AP4E1: variants seen among roughly 807,000 people sequenced by gnomAD.
AP4E1 encodes adaptor related protein complex 4 subunit epsilon 1.
AP4E1 carries 56 observed loss-of-function variants against 128.2 expected under a neutral mutation model. The observed-to-expected ratio is 0.44, with a 90% CI of 0.35 to 0.55. AP4E1 has a LOEUF of 0.55. Among genes scored for constraint, AP4E1 ranks in the 20% least tolerant of loss-of-function variants. The pLI is 0.00. For synonymous variants in AP4E1, 484 were observed against 473.1 expected (o/e 1.02, Z -0.30); for missense variants, 1,324 against 1,307.7 (o/e 1.01, Z -0.19).
chr15:50,925,348 A>T, intron 5 of AP4E1, 129 bp downstream of exon 5: 1 of 979,988 alleles, frequency 1.0e-6, no homozygotes, highest in Non-Finnish European at 1.5e-6. Flanking sequence ...TAATACAAAA[A>T]TCTTCAATAG....
At chr15:50,910,609 G>A (rs903660349) in intron 1 of AP4E1, among the ~76,000 whole-genome samples, 1 of 152,170 alleles carries the variant, frequency 6.6e-6, no homozygotes, top group African/African-American at 2.4e-5. Flanking sequence ...GATGCTATCC[G>A]GAGAGAACCT....
chr15:50,991,323 G>A (rs186065547), intron 16 of AP4E1, among the ~76,000 whole-genome samples: 4 of 152,166 alleles, frequency 2.6e-5, no homozygotes, highest in East Asian at 3.9e-4. Flanking sequence ...TAAAATTTAG[G>A]GACTTGTTCT....
intron 7 of AP4E1, among the ~76,000 whole-genome samples, chr15:50,931,808 C>T (rs1156887569): frequency 6.6e-6 from 1 of 152,062 alleles, no homozygotes; most frequent in African/African-American, 2.4e-5. Context: ...CCATACAAAA[C>T]CAGGCATTTG....
chr15:50,994,312 A>G (rs540444155), intron 17 of AP4E1, among the ~76,000 whole-genome samples: 54 of 152,288 alleles, frequency 3.5e-4, no homozygotes, highest in African/African-American at 1.3e-3. Flanking sequence ...TGAGAATACC[A>G]TGTAATGTAT....
At chr15:50,995,848 A>G (rs1044978431) in intron 17 of AP4E1, among the ~76,000 whole-genome samples, 2 of 151,734 alleles carry the variant, frequency 1.3e-5, no homozygotes, top group African/African-American at 4.8e-5. Context: ...AAACTTGAAG[A>G]CAAAGTAATA....
chr15:50,911,652 A>AT (rs1409501621), intron 1 of AP4E1, among the ~76,000 whole-genome samples: 1 of 112,868 alleles, frequency 8.9e-6, no homozygotes, highest in Non-Finnish European at 1.9e-5. Flanking sequence ...TAATGTTTGT[A>AT]TTTTTAGTAG....
chr15:50,967,132 T>C (rs2064405082), intron 14 of AP4E1, among the ~76,000 whole-genome samples: 1 of 152,200 alleles, frequency 6.6e-6, no homozygotes, highest in Admixed American at 6.5e-5. Context: ...TAATTTTCCA[T>C]AGATTTGTGA....
chr15:50,987,849 C>T (rs1669220222), intron 16 of AP4E1, among the ~76,000 whole-genome samples: 1 of 152,040 alleles, frequency 6.6e-6, no homozygotes, highest in African/African-American at 2.4e-5. Flanking sequence ...ATTTATTGCT[C>T]TTAAGGTATT....
At chr15:50,985,137 C>T (rs141200781) in intron 16 of AP4E1, among the ~76,000 whole-genome samples, 14 of 152,064 alleles carry the variant, frequency 9.2e-5, no homozygotes, top group Non-Finnish European at 2.1e-4. Flanking sequence ...TATCCTTCAC[C>T]CACTTTTTGA....
chr15:50,960,374 C>A (rs186752913), intron 14 of AP4E1, among the ~76,000 whole-genome samples: 120 of 152,132 alleles, frequency 7.9e-4, no homozygotes, highest in East Asian at 2.1e-3. Flanking sequence ...TATGTTAGGC[C>A]ACAAAAAAGT....
chr15:50,976,350 T>C (rs1448592358), intron 15 of AP4E1, among the ~76,000 whole-genome samples: 1 of 151,960 alleles, frequency 6.6e-6, no homozygotes. Context: ...AAAAAGAAAC[T>C]CAATAAAACT....
chr15:50,975,577 T>TG (rs2064540147), intron 15 of AP4E1, among the ~76,000 whole-genome samples: 1 of 152,204 alleles, frequency 6.6e-6, no homozygotes, highest in Admixed American at 6.5e-5. Context: ...TGTGTATTCT[T>TG]GGTGTCCTTG....
At chr15:50,930,364 G>C (rs1462900657) in intron 6 of AP4E1, among the ~76,000 whole-genome samples, 2 of 141,044 alleles carry the variant, frequency 1.4e-5, no homozygotes, top group African/African-American at 5.3e-5. Flanking sequence ...ACTGTGCCCG[G>C]CCCCAGAATG....
chr15:50,988,052 T>C (rs902620765), intron 16 of AP4E1, among the ~76,000 whole-genome samples: 2 of 152,170 alleles, frequency 1.3e-5, no homozygotes, highest in Non-Finnish European at 2.9e-5. Flanking sequence ...TTCTGATAAA[T>C]ATATCTTGTA....
intron 14 of AP4E1, 113 bp downstream of exon 14, chr15:50,958,907 G>A: frequency 1.0e-5 from 12 of 1,150,490 alleles, no homozygotes; most frequent in South Asian, 8.8e-5. Flanking sequence ...TAGCATTTAA[G>A]GTGAATGTTG....
intron 16 of AP4E1, among the ~76,000 whole-genome samples, chr15:50,985,447 A>G (rs2064707042): frequency 6.6e-6 from 1 of 152,156 alleles, no homozygotes; most frequent in African/African-American, 2.4e-5. Flanking sequence ...TTTTAGGTCT[A>G]ACATTTAAGT....
rs1379528885 is a variant in AP4E1, at chr15:50,941,691, C to G, written c.1092C>G (p.Ile364Met). Residue 364 changes from isoleucine (I) to methionine (M), a missense_variant, in exon 10 of 21, where the codon ATC becomes ATG. Physicochemically the swap from Ile to Met is conservative, Grantham distance 10. Coordinates refer to ENST00000261842, the MANE Select transcript of AP4E1 (RefSeq NM_007347.5). ...YLGLKALTYV[I>M]QQDPTLALQH... ...GACTGAAGGCTCTTACCTATGTTATCCAACAGGATCCTACTCTGGCTCTTC... is the reference window on the plus strand; with the variant it reads ...GACTGAAGGCTCTTACCTATGTTATGCAACAGGATCCTACTCTGGCTCTTC... The G allele has an allele frequency of 9.3e-6, 15 of 1,613,578 alleles. No homozygotes were observed. The highest frequency in any genetic ancestry group is 1.3e-5 in the Non-Finnish European group (15 of 1,179,698).
At chr15:50,946,841 T>A (rs2064068387) in intron 10 of AP4E1, among the ~76,000 whole-genome samples, 1 of 152,196 alleles carries the variant, frequency 6.6e-6, no homozygotes, top group African/African-American at 2.4e-5. Flanking sequence ...TCATCTTATT[T>A]GAAGCAGCAA....
chr15:50,947,534 G>A (rs923965377), intron 10 of AP4E1, among the ~76,000 whole-genome samples: 7 of 151,978 alleles, frequency 4.6e-5, no homozygotes, highest in African/African-American at 1.7e-4. Context: ...AAACCTGATT[G>A]CCTTCAATTA....
Sources: allele counts gnomAD v4.1 joint callset (sites outside exome capture counted in the v4.1 genomes callset), GRCh38; gene constraint gnomAD v4.1.1; transcripts MANE v1.5; gene names NCBI Gene and HGNC (gene_info 2026-07-23, HGNC 2026-07-21).